Variants in OSBPL10 observed in about 807,000 individuals in gnomAD.
OSBPL10 encodes the protein oxysterol-binding protein-related protein 10.
OSBPL10 carries 49 observed loss-of-function variants against 81.7 expected under a neutral mutation model. The ratio of observed to expected loss-of-function variants is 0.60; its 90% CI spans 0.48 to 0.76. The LOEUF (loss-of-function observed/expected upper bound fraction) is 0.76. Among genes scored for constraint, OSBPL10 ranks in the 30% least tolerant of loss-of-function variants. The pLI, the probability that OSBPL10 is intolerant of heterozygous loss-of-function variation, is 0.00. For synonymous variants in OSBPL10, 419 were observed against 383.6 expected (o/e 1.09, Z -1.08); for missense variants, 923 against 987.8 (o/e 0.93, Z 0.88).
At chr3:31,885,196 C>T (rs1026750501) in intron 1 of OSBPL10, among the ~76,000 whole-genome samples, 1 of 152,192 alleles carries the variant, frequency 6.6e-6, no homozygotes. Flanking sequence ...GTGACACACT[C>T]ACACTGATGC....
At chr3:31,913,374 G>C (rs556557514) in intron 1 of OSBPL10, among the ~76,000 whole-genome samples, 6 of 151,348 alleles carry the variant, frequency 4.0e-5, no homozygotes, top group African/African-American at 1.5e-4. Flanking sequence ...TCAGCCTCCC[G>C]AGTAGCTGGG....
rs780116555 is a variant in OSBPL10, at chr3:31,747,911, C to T, written c.939G>A (p.Ser313=). 8.7e-6 allele frequency: 14 copies of T among 1,613,220 alleles called. 1 individual carries two copies. The South Asian group carries it at 8.8e-5, about 10-fold the overall frequency. The change falls in exon 5 of 12, where the codon TCG becomes TCA. Residue 313 remains serine (S), a splice_region_variant and synonymous_variant. Transcript: ENST00000396556. ...AGQPSQKPGA[S]ENILGWHGSK... ...TGGACAAGCCCCCGGGGGTCTTACCCGAGGCTCCTGGCTTCTGGCTGGGCT... is the reference window on the plus strand; with the variant it reads ...TGGACAAGCCCCCGGGGGTCTTACCTGAGGCTCCTGGCTTCTGGCTGGGCT...
At position 31,826,399 on chromosome 3, in the gene OSBPL10, C is replaced by T. The variant is rs184348161; in HGVS notation, c.729+3641G>A. Among the ~76,000 whole-genome samples the T allele has an allele frequency of 7.0e-4, 106 of 152,336 alleles. 1 individual carries two copies. Among genetic ancestry groups the T allele is most frequent in the African/African-American group, 2.0e-3 (84 of 41,578 alleles). ...TCCCTATACTCATCTCTCCTAACCACTTCCTGAGAGGATGCTGGGTTCCGA... is the reference window on the plus strand; with the variant it reads ...TCCCTATACTCATCTCTCCTAACCATTTCCTGAGAGGATGCTGGGTTCCGA... On this transcript the variant is annotated intron_variant, in intron 4 of 11. Transcript: ENST00000396556.
At position 31,879,778 on chromosome 3, in the gene OSBPL10, G is replaced by C; in HGVS notation, c.334C>G (p.Gln112Glu). The change falls in exon 2 of 12, where the codon CAA (glutamine) becomes GAA (glutamate). Residue 112 changes from glutamine to glutamate, a missense_variant. Transcript: ENST00000396556. ...AGILQYFVNE[Q>E]SKHQKPRGVL... ...CCTCGAGGCTTCTGGTGTTTGCTTT[G>C]CTCATTCACAAAATACTGCAGGATG... 1 of 1,614,134 alleles carries C rather than the reference G, an allele frequency of 6.2e-7. No individual in the cohort carries two copies. Among genetic ancestry groups the C allele is most frequent in the Non-Finnish European group, 8.5e-7 (1 of 1,180,012 alleles).
chr3:31,783,146 T>TACACACACACACACACACAC (rs1553625121), intron 4 of OSBPL10, among the ~76,000 whole-genome samples: 1 of 113,028 alleles, frequency 8.8e-6, no homozygotes, highest in African/African-American at 3.8e-5. Context: ...TATATATATA[T>TACACACACACACACACACAC]ACACACACAC....
rs745911833 is a variant in OSBPL10 at position 31,733,435 on chromosome 3, G to A, written c.941-24C>T. On this transcript the variant is annotated intron_variant, in intron 5 of 11. Transcript: ENST00000396556. ...TTCTGAAATAAAGACCTAGAATGAT[G>A]CCAAGTATTTTCCAAATTAAACATT... The A allele has an allele frequency of 2.5e-5, 40 of 1,613,918 alleles. 1 individual carries two copies. In the South Asian group the frequency reaches 4.3e-4, roughly 17 times the overall value.
At chr3:31,787,271 G>A (rs1269531610) in intron 4 of OSBPL10, among the ~76,000 whole-genome samples, 1 of 152,134 alleles carries the variant, frequency 6.6e-6, no homozygotes, top group East Asian at 1.9e-4. Context: ...AACTACAAAA[G>A]GTCTGGTCCT....
intron 1 of OSBPL10, among the ~76,000 whole-genome samples, chr3:31,927,794 C>T (rs1231832450): frequency 6.6e-6 from 1 of 152,168 alleles, no homozygotes; most frequent in African/African-American, 2.4e-5. Flanking sequence ...TTATCTAAAA[C>T]ATGCGTAAAG....
intron 4 of OSBPL10, among the ~76,000 whole-genome samples, chr3:31,776,459 C>T (rs1360053281): frequency 2.0e-5 from 3 of 152,084 alleles, no homozygotes; most frequent in Non-Finnish European, 4.4e-5. Flanking sequence ...AAATTTCTAA[C>T]CCCAAATAAA....
intron 3 of OSBPL10, among the ~76,000 whole-genome samples, chr3:31,876,184 C>T (rs1701464123): frequency 6.6e-6 from 1 of 152,130 alleles, no homozygotes; most frequent in South Asian, 2.1e-4. Context: ...AAATTGACAA[C>T]AGAATGCAAA....
Position 31,713,640 on chromosome 3 carries a change from G to A in OSBPL10, c.1096-11132C>T, listed in dbSNP as rs192559562. Among the ~76,000 whole-genome samples the A allele has an allele frequency of 2.0e-5, 3 of 151,966 alleles. No individual in the cohort carries two copies. The East Asian group carries it at 5.8e-4, about 30-fold the overall frequency. ...TTGAACTCCTGACCTCAAGTGATCC[G>A]CCCACCTCATCCTCCCAAAGTGCTG... On this transcript the variant is annotated intron_variant, in intron 6 of 11. Coordinates refer to ENST00000396556, the MANE Select transcript of OSBPL10 (RefSeq NM_017784.5).
intron 2 of OSBPL10, among the ~76,000 whole-genome samples, chr3:32,010,752 G>T (rs772925908): frequency 6.6e-6 from 1 of 152,182 alleles, no homozygotes; most frequent in African/African-American, 2.4e-5. Context: ...CTAATACTGC[G>T]ATTTTCCGAC....
intron 2 of OSBPL10, among the ~76,000 whole-genome samples, chr3:32,043,827 C>T (rs1297054909): frequency 2.0e-5 from 3 of 152,190 alleles, no homozygotes; most frequent in Non-Finnish European, 4.4e-5. Flanking sequence ...AAACGAAATA[C>T]CGCATGTTCT....
intron 6 of OSBPL10, among the ~76,000 whole-genome samples, chr3:31,706,622 G>C (rs566496819): frequency 1.1e-4 from 17 of 152,264 alleles, no homozygotes; most frequent in African/African-American, 4.1e-4. Context: ...TGTTAGGTTT[G>C]TGTGGGTCCA....
chr3:32,020,116 G>A lies in OSBPL10; in HGVS notation n.298+26375C>T, dbSNP rs115007377. ...TTCTGATAGTGAATTTTCATAGTTT[G>A]TTGCAGCATTTGATTTTTATGTTTT... On this transcript the variant is annotated intron_variant and non_coding_transcript_variant, in intron 2 of 3. Coordinates refer to the OSBPL10 transcript ENST00000479173. Among the ~76,000 whole-genome samples, 430 of 152,250 alleles carry A rather than the reference G, an allele frequency of 2.8e-3. 5 individuals carry two copies. Among genetic ancestry groups the A allele is most frequent in the African/African-American group, 9.6e-3 (401 of 41,556 alleles).
At chr3:31,785,215 T>C (rs190913883) in intron 4 of OSBPL10, among the ~76,000 whole-genome samples, 34 of 152,094 alleles carry the variant, frequency 2.2e-4, no homozygotes, top group African/African-American at 8.2e-4. Flanking sequence ...TATCAGAAAA[T>C]AGCTAAAATG....
intron 6 of OSBPL10, among the ~76,000 whole-genome samples, chr3:31,731,767 G>C (rs1408451554): frequency 6.6e-6 from 1 of 152,186 alleles, no homozygotes; most frequent in Non-Finnish European, 1.5e-5. Context: ...GATTACAGGC[G>C]TGAGCCACTG....
intron 2 of OSBPL10, chr3:31,990,679 G>C: frequency 6.2e-7 from 1 of 1,614,144 alleles, no homozygotes; most frequent in East Asian, 2.2e-5. Flanking sequence ...ACTTCATACT[G>C]GAGAGAAACC....
chr3:31,708,785 C>A, intron 6 of OSBPL10: 4 of 985,458 alleles, frequency 4.1e-6, no homozygotes, highest in Non-Finnish European at 4.8e-6. Flanking sequence ...GTGTCTAATT[C>A]TCCAAAAGTA....
Sources: gnomAD v4.1 joint callset for allele counts (sites outside exome capture counted in the v4.1 genomes callset) on GRCh38, gnomAD v4.1.1 for gene constraint, MANE v1.5 for transcripts, NCBI Gene and HGNC (gene_info 2026-07-23, HGNC 2026-07-21) for gene names.